The following SGCZ variants were observed in gnomAD, a reference collection of about 807,000 sequenced individuals.
The protein encoded by SGCZ is zeta-sarcoglycan.
SGCZ carries 40 observed loss-of-function variants against 41.3 expected under a neutral mutation model. That is an observed-to-expected ratio of 0.97 (90% CI 0.75 to 1.26). The LOEUF (loss-of-function observed/expected upper bound fraction) is 1.26. SGCZ is among the 50% of genes most tolerant of loss of function. SGCZ has a pLI of 0.00. For synonymous variants in SGCZ, 206 were observed against 137.5 expected (o/e 1.50, Z -3.49); for missense variants, 552 against 369.8 (o/e 1.49, Z -4.04).
chr8:14,224,571 T>G (rs1430582671), intron 4 of SGCZ, among the ~76,000 whole-genome samples: 1 of 151,848 alleles, frequency 6.6e-6, no homozygotes, highest in Non-Finnish European at 1.5e-5. Context: ...AAAGCTCAAT[T>G]ATGCTAAAAT....
chr8:15,097,169 A>G (rs1806379293), intron 1 of SGCZ, among the ~76,000 whole-genome samples: 1 of 152,144 alleles, frequency 6.6e-6, no homozygotes, highest in African/African-American at 2.4e-5. Flanking sequence ...TGTTACGTAA[A>G]GCCCATAAGT....
At chr8:14,321,437 AG>A (rs1280008717) in intron 3 of SGCZ, among the ~76,000 whole-genome samples, 1 of 152,092 alleles carries the variant, frequency 6.6e-6, no homozygotes, top group Non-Finnish European at 1.5e-5. Flanking sequence ...ATAGTTGATT[AG>A]GTTAGGTGGC....
chr8:14,190,585 T>C (rs1805067459), intron 4 of SGCZ, among the ~76,000 whole-genome samples: 1 of 151,920 alleles, frequency 6.6e-6, no homozygotes, highest in Non-Finnish European at 1.5e-5. Flanking sequence ...TTGGATGACA[T>C]ATAAATCTTC....
intron 5 of SGCZ, among the ~76,000 whole-genome samples, chr8:14,153,536 A>G (rs988725105): frequency 2.0e-5 from 3 of 152,128 alleles, no homozygotes; most frequent in African/African-American, 7.2e-5. Flanking sequence ...AGAAGAACAA[A>G]GAGAGAAATA....
intron 2 of SGCZ, among the ~76,000 whole-genome samples, chr8:14,478,239 A>G (rs1221935738): frequency 6.6e-6 from 1 of 152,272 alleles, no homozygotes; most frequent in Non-Finnish European, 1.5e-5. Flanking sequence ...AAACCAGCAC[A>G]AGAATGTTTA....
chr8:15,032,350 G>T (rs892491887), intron 1 of SGCZ, among the ~76,000 whole-genome samples: 1 of 152,044 alleles, frequency 6.6e-6, no homozygotes, highest in Non-Finnish European at 1.5e-5. Flanking sequence ...TTTACATGAC[G>T]CACATCAGCA....
chr8:14,301,224 A>T (rs139821452), intron 3 of SGCZ, among the ~76,000 whole-genome samples: 2,139 of 152,016 alleles, frequency 0.014, 30 homozygotes, highest in Middle Eastern at 0.037. Flanking sequence ...TGATTCCCCA[A>T]TGTATGTATT....
chr8:14,963,017 G>C lies in SGCZ; in HGVS notation c.39+274568C>G, dbSNP rs369376140. ...AATAGGAGGAGCAAGTTAAAGATTT[G>C]GAAAGTTTCTGGACTGAAAGTTTGA... On this transcript the variant is annotated intron_variant, in intron 1 of 7. Transcript: ENST00000382080. 2.4e-4 allele frequency among the ~76,000 whole-genome samples: 37 copies of C among 152,256 alleles called. 4 individuals carry two copies. Among genetic ancestry groups the C allele is most frequent in the Admixed American group, 1.6e-3 (24 of 15,296 alleles).
chr8:15,068,350 T>C (rs1334116930), intron 1 of SGCZ, among the ~76,000 whole-genome samples: 1 of 152,222 alleles, frequency 6.6e-6, no homozygotes, highest in African/African-American at 2.4e-5. Context: ...GCCCACACTG[T>C]AACCCACTGG....
intron 1 of SGCZ, among the ~76,000 whole-genome samples, chr8:15,011,825 A>C (rs7013075): frequency 0.72 from 109,601 of 151,552 alleles, 39,986 homozygotes; most frequent in African/African-American, 0.82. Flanking sequence ...AATTTGACAA[A>C]ATTAATTATA....
chr8:14,302,919 G>C (rs1415014857), intron 3 of SGCZ, among the ~76,000 whole-genome samples: 2 of 152,222 alleles, frequency 1.3e-5, no homozygotes, highest in South Asian at 2.1e-4. Context: ...ATTTCATTGA[G>C]AGAACTAACA....
intron 1 of SGCZ, among the ~76,000 whole-genome samples, chr8:14,783,893 A>G (rs1800668230): frequency 6.6e-6 from 1 of 152,180 alleles, no homozygotes; most frequent in Non-Finnish European, 1.5e-5. Flanking sequence ...AAAGTTTCAC[A>G]AGTTTAGTTT....
intron 2 of SGCZ, among the ~76,000 whole-genome samples, chr8:14,518,339 T>C (rs1198673595): frequency 1.3e-5 from 2 of 152,142 alleles, no homozygotes; most frequent in Non-Finnish European, 2.9e-5. Flanking sequence ...TGTATGCTAG[T>C]GTGTATGTAT....
chr8:14,249,823 G>T (rs1799226574), intron 3 of SGCZ, among the ~76,000 whole-genome samples: 1 of 152,092 alleles, frequency 6.6e-6, no homozygotes, highest in African/African-American at 2.4e-5. Context: ...ACTAATGGAA[G>T]ATAAACCAAG....
chr8:15,136,530 T>C (rs1808111577), intron 1 of SGCZ, among the ~76,000 whole-genome samples: 1 of 152,104 alleles, frequency 6.6e-6, no homozygotes, highest in African/African-American at 2.4e-5. Flanking sequence ...GAATTGTAGA[T>C]CCCATAATCC....
intron 1 of SGCZ, among the ~76,000 whole-genome samples, chr8:14,674,776 T>C (rs1808216450): frequency 6.6e-6 from 1 of 151,220 alleles, no homozygotes; most frequent in African/African-American, 2.4e-5. Flanking sequence ...GTGTAGCCCC[T>C]CCCCTGCCCT....
intron 1 of SGCZ, among the ~76,000 whole-genome samples, chr8:14,707,076 G>A (rs1331304901): frequency 6.7e-6 from 1 of 149,552 alleles, no homozygotes; most frequent in African/African-American, 2.5e-5. Context: ...GGGTACATGT[G>A]CACAACGTGC....
intron 4 of SGCZ, among the ~76,000 whole-genome samples, chr8:14,187,893 A>G (rs1804957437): frequency 6.6e-6 from 1 of 152,196 alleles, no homozygotes; most frequent in Non-Finnish European, 1.5e-5. Flanking sequence ...ATGCATCATA[A>G]TAAAAATGAT....
intron 1 of SGCZ, among the ~76,000 whole-genome samples, chr8:15,045,554 G>A (rs908198578): frequency 2.6e-5 from 4 of 152,028 alleles, no homozygotes; most frequent in African/African-American, 7.2e-5. Context: ...GTAGACCAGT[G>A]ATAAAGTAGT....
Sources: allele counts gnomAD v4.1 joint callset (sites outside exome capture counted in the v4.1 genomes callset), GRCh38; gene constraint gnomAD v4.1.1; transcripts MANE v1.5; gene names NCBI Gene and HGNC (gene_info 2026-07-23, HGNC 2026-07-21).